The following GPAT3 variants were observed in gnomAD, a reference collection of about 807,000 sequenced individuals.
The protein encoded by GPAT3 is glycerol-3-phosphate acyltransferase 3, also known as 1-AGP acyltransferase 9.
A neutral mutation model predicts 58.8 loss-of-function variants in GPAT3; 53 were observed. The observed-to-expected ratio is 0.90, with a 90% CI of 0.72 to 1.13. The LOEUF (loss-of-function observed/expected upper bound fraction) is 1.13. Among genes scored for constraint, GPAT3 ranks in the 50% most tolerant of loss-of-function variants. The probability of loss-of-function intolerance (pLI) is 0.00; values close to 1 mark genes in which losing one functional copy is unlikely to be tolerated. For synonymous variants in GPAT3, 197 were observed against 187.4 expected, an observed-to-expected ratio of 1.05 and a Z score of -0.42; for missense variants, 511 against 527.6, an observed-to-expected ratio of 0.97 and a Z score of 0.31.
chr4:83,592,558 A>C (rs1290619385), intron 6 of GPAT3, among the ~76,000 whole-genome samples: 2 of 152,228 alleles, frequency 1.3e-5, no homozygotes, highest in Non-Finnish European at 2.9e-5. Flanking sequence ...ACATTGTAGA[A>C]TGGCTAAATC....
At chr4:83,597,172 T>C (rs1001544455) in intron 8 of GPAT3, among the ~76,000 whole-genome samples, 1 of 152,200 alleles carries the variant, frequency 6.6e-6, no homozygotes, top group Non-Finnish European at 1.5e-5. Context: ...GTTGCATGTA[T>C]TGAAATTTCA....
chr4:83,541,335 A>G (rs951864937), intron 1 of GPAT3, among the ~76,000 whole-genome samples: 2 of 151,110 alleles, frequency 1.3e-5, no homozygotes, highest in Non-Finnish European at 2.9e-5. Context: ...AGCTCAAGCA[A>G]TCCTCCTGAG....
intron 11 of GPAT3, among the ~76,000 whole-genome samples, chr4:83,600,075 C>A (rs183482958): frequency 2.2e-4 from 34 of 152,184 alleles, no homozygotes; most frequent in African/African-American, 7.9e-4. Context: ...GAAAGCAAAA[C>A]CTTGGATAAG....
chr4:83,603,741 G>T (rs1727150733), intron 11 of GPAT3, among the ~76,000 whole-genome samples: 1 of 142,570 alleles, frequency 7.0e-6, no homozygotes, highest in Admixed American at 7.3e-5. Flanking sequence ...GGTGAGCCAA[G>T]ATTGTGCCAT....
At chr4:83,603,087 C>A (rs1172223034) in intron 11 of GPAT3, among the ~76,000 whole-genome samples, 2 of 152,206 alleles carry the variant, frequency 1.3e-5, no homozygotes, top group Admixed American at 1.3e-4. Flanking sequence ...AACCTACGAT[C>A]ATTCACCATC....
At chr4:83,567,969 C>T (rs28542730) in intron 2 of GPAT3, among the ~76,000 whole-genome samples, 34,156 of 151,878 alleles carry the variant, frequency 0.22, 3,987 homozygotes, top group East Asian at 0.31. Context: ...CCCAGATTTT[C>T]ATTAAAGTTA....
chr4:83,589,852 G>A (rs946193207), intron 5 of GPAT3, among the ~76,000 whole-genome samples: 27 of 152,156 alleles, frequency 1.8e-4, no homozygotes, highest in African/African-American at 6.5e-4. Context: ...AGCACTTTGG[G>A]AAGCCGAGTG....
rs777216383 is a variant in GPAT3, at chr4:83,588,268, GC to G, written c.616del (p.Leu206SerfsTer31). ...GACTTGCTGCCGGATCTGTGTGCGA[GC>G]CCTCTCTGGTACCATTCATTATCAT... is the stretch of plus-strand genomic sequence containing the variant. ...HLTCCRICVR[A>X]LSGTIHYHNK... On this transcript the variant is annotated frameshift_variant, in exon 5 of 12. Transcript: ENST00000264409. LOFTEE classifies it high-confidence loss of function. 14 of 1,613,490 alleles carry G rather than the reference GC, an allele frequency of 8.7e-6. No individual in the cohort carries two copies. The African/African-American group carries it at 1.9e-4, about 22-fold the overall frequency.
At position 83,600,427 on chromosome 4, in the gene GPAT3, T is replaced by C. The variant is rs1727014186; in HGVS notation, c.1205+1704T>C. On this transcript the variant is annotated intron_variant, in intron 11 of 11. Coordinates refer to ENST00000264409, the MANE Select transcript of GPAT3 (RefSeq NM_032717.5). ...TATTGGTAGTTAGGGCTTTAACATA[T>C]GAATTTTGGGGGAGACAAAAACATT... Among the ~76,000 whole-genome samples the C allele has an allele frequency of 3.3e-5, 5 of 152,134 alleles. No homozygotes were observed. The South Asian group carries it at 1.0e-3, about 31-fold the overall frequency.
chr4:83,571,437 C>A (rs1214783012), intron 2 of GPAT3, among the ~76,000 whole-genome samples: 1 of 143,866 alleles, frequency 7.0e-6, no homozygotes, highest in African/African-American at 2.4e-5. Flanking sequence ...GTATTTTTGG[C>A]CTTTTAAAAT....
chr4:83,596,923 G>T lies in GPAT3; in HGVS notation c.910+10G>T. ...CTAATTTTTCCTGAAGGTAAGAATG[G>T]GCCTGCCTCCCGAGCTATAGTTGAT... On this transcript the variant is annotated intron_variant, in intron 8 of 11. Coordinates refer to ENST00000264409, the MANE Select transcript of GPAT3 (RefSeq NM_032717.5). The T allele has an allele frequency of 6.2e-7, 1 of 1,600,750 alleles. No homozygotes were observed. Among genetic ancestry groups the T allele is most frequent in the Non-Finnish European group, 8.5e-7 (1 of 1,174,214 alleles).
chr4:83,536,530 C>A lies in GPAT3; in HGVS notation c.-93C>A. ...GGTGAGTGCCGGGCTCGGCGCTCTG[C>A]TCCTGGAGCTCCCGCGGGACTGCCT... is the stretch of plus-strand genomic sequence containing the variant. On this transcript the variant is annotated 5_prime_UTR_variant, in exon 1 of 12. Coordinates refer to ENST00000264409, the MANE Select transcript of GPAT3 (RefSeq NM_032717.5). 2 of 1,528,420 alleles carry A rather than the reference C, an allele frequency of 1.3e-6. No homozygotes were observed. The highest frequency in any genetic ancestry group is 1.3e-5 in the South Asian group (1 of 78,044). The allele number at this position is 1,528,420 out of a possible 1,614,324, so 94.7% of individuals were successfully genotyped here.
chr4:83,604,743 T>C lies in GPAT3; in HGVS notation c.1281T>C (p.Ile427=). 6.2e-7 allele frequency: 1 copy of C among 1,613,958 alleles called. No homozygotes were observed. Residue 427 remains isoleucine (I), a synonymous_variant, in exon 12 of 12, where the codon ATT becomes ATC. Transcript: ENST00000264409. ...AGCAGAAAAATTACAGCAAGATGAT[T>C]GTGGGCAATGGATCTCTCAGCTAAG... is the stretch of plus-strand genomic sequence containing the variant. The part of the protein sequence containing the change: ...EEQQKNYSKM[I]VGNGSLS
intron 2 of GPAT3, among the ~76,000 whole-genome samples, chr4:83,553,365 CT>C (rs945294677): frequency 3.9e-5 from 6 of 152,110 alleles, no homozygotes; most frequent in African/African-American, 1.4e-4. Context: ...GATTGTTTTT[CT>C]TTTCGAATAG....
intron 2 of GPAT3, among the ~76,000 whole-genome samples, chr4:83,565,866 G>A (rs1018913365): frequency 2.0e-5 from 3 of 152,328 alleles, no homozygotes; most frequent in Middle Eastern, 3.4e-3. Flanking sequence ...GCAAATGGGA[G>A]GGGTAGGAAG....
At position 83,562,195 on chromosome 4, in the gene GPAT3, AT is replaced by A. The variant is rs1360467316; in HGVS notation, c.208+17594del. ...TTTTATATATTATATATATATATAT[AT>A]ATAATATATATATATTATATATATA... On this transcript the variant is annotated intron_variant, in intron 2 of 11. Coordinates refer to ENST00000264409, the MANE Select transcript of GPAT3 (RefSeq NM_032717.5). 2.2e-3 allele frequency among the ~76,000 whole-genome samples: 97 copies of A among 44,502 alleles called. 1 individual carries two copies. Among genetic ancestry groups the A allele is most frequent in the African/African-American group, 5.0e-3 (45 of 9,082 alleles). The allele number at this position is 44,502 out of a possible 152,430, so 29.2% of individuals were successfully genotyped here.
At chr4:83,547,101 A>G (rs1724549278) in intron 2 of GPAT3, among the ~76,000 whole-genome samples, 1 of 152,024 alleles carries the variant, frequency 6.6e-6, no homozygotes, top group Non-Finnish European at 1.5e-5. Flanking sequence ...AGTTTAGGCA[A>G]GGGTCACAGG....
chr4:83,604,818 G>A lies in GPAT3; in HGVS notation c.*51G>A, dbSNP rs1345982227. The A allele has an allele frequency of 2.9e-6, 4 of 1,377,678 alleles. No homozygotes were observed. Among genetic ancestry groups the A allele is most frequent in the Non-Finnish European group, 4.0e-6 (4 of 1,006,048 alleles). The allele number at this position is 1,377,678 out of a possible 1,614,324, so 85.3% of individuals were successfully genotyped here. A position where few individuals can be genotyped will look rare whatever the true frequency, so the allele number is the denominator to read the frequency against. ...TAGAACTAGCCCTTAGAAATGGAAT[G>A]GCTTTTTTTGTTTTGTTTTGTTTTA... On this transcript the variant is annotated 3_prime_UTR_variant, in exon 12 of 12. Transcript: ENST00000264409.
chr4:83,586,622 G>T (rs1234179060), intron 3 of GPAT3, among the ~76,000 whole-genome samples: 2 of 152,130 alleles, frequency 1.3e-5, no homozygotes, highest in African/African-American at 4.8e-5. Context: ...GAAAGATTTT[G>T]TCTTAACTTT....
Sources: allele counts gnomAD v4.1 joint callset (sites outside exome capture counted in the v4.1 genomes callset), GRCh38; gene constraint gnomAD v4.1.1; transcripts MANE v1.5; gene names NCBI Gene and HGNC (gene_info 2026-07-23, HGNC 2026-07-21).